The following SOCS5 variants were observed in gnomAD, a reference collection of about 807,000 sequenced individuals.
The protein encoded by SOCS5 is CIS-6.
SOCS5 carries 32 observed loss-of-function variants against 42.8 expected under a neutral mutation model. That is an observed-to-expected ratio of 0.75 (90% CI 0.56 to 1.01). SOCS5 has a LOEUF of 1.01. Among genes scored for constraint, SOCS5 ranks in the 50% least tolerant of loss-of-function variants. SOCS5 has a pLI of 0.00. For missense variants in SOCS5, 627 were observed against 653.0 expected, an observed-to-expected ratio of 0.96 and a Z score of 0.43; for synonymous variants, 283 against 229.6, an observed-to-expected ratio of 1.23 and a Z score of -2.10.
chr2:46,700,461 T>G (rs963089896), intron 1 of SOCS5, among the ~76,000 whole-genome samples: 1 of 152,254 alleles, frequency 6.6e-6, no homozygotes, highest in African/African-American at 2.4e-5. Context: ...ATTGTGCTAT[T>G]ATGTACTACT....
intron 1 of SOCS5, among the ~76,000 whole-genome samples, chr2:46,734,962 G>A (rs1018695229): frequency 3.0e-4 from 46 of 152,228 alleles, no homozygotes; most frequent in African/African-American, 1.1e-3. Context: ...GGCCCTTTCC[G>A]GAGTCCATGC....
Position 46,762,408 on chromosome 2 carries a change from A to G in SOCS5, c.*2267A>G, listed in dbSNP as rs1041871317. 6.0e-6 allele frequency: 1 copy of G among 166,680 alleles called. No homozygotes were observed. The highest frequency in any genetic ancestry group is 1.5e-5 in the Non-Finnish European group (1 of 68,076). The allele number at this position is 166,680 out of a possible 1,614,324, so 10.3% of individuals were successfully genotyped here. A position where few individuals can be genotyped will look rare whatever the true frequency, so the allele number is the denominator to read the frequency against. ...CTCCAAGAAAGCACTTGATGTTTTT[A>G]TATGCTTGTAGCAAATTGATGTTCT... On this transcript the variant is annotated 3_prime_UTR_variant, in exon 2 of 2. Transcript: ENST00000394861.
chr2:46,747,280 G>A (rs1673523870), intron 1 of SOCS5, among the ~76,000 whole-genome samples: 1 of 152,034 alleles, frequency 6.6e-6, no homozygotes, highest in African/African-American at 2.4e-5. Context: ...GAGTGTGATA[G>A]TGCAGTCACA....
intron 1 of SOCS5, among the ~76,000 whole-genome samples, chr2:46,756,173 A>T (rs1572848574): frequency 6.6e-6 from 1 of 152,314 alleles, no homozygotes; most frequent in African/African-American, 2.4e-5. Context: ...TCACTTTTTA[A>T]AAGTTATTTT....
At chr2:46,751,047 C>G (rs923693188) in intron 1 of SOCS5, among the ~76,000 whole-genome samples, 16 of 152,102 alleles carry the variant, frequency 1.1e-4, no homozygotes, top group African/African-American at 3.9e-4. Flanking sequence ...GGTAGAGAAG[C>G]TGAATAGACC....
chr2:46,752,368 A>C (rs1480685456), intron 1 of SOCS5, among the ~76,000 whole-genome samples: 1 of 152,254 alleles, frequency 6.6e-6, no homozygotes, highest in East Asian at 1.9e-4. Flanking sequence ...CCATGAAACC[A>C]GTCCCTGGTG....
intron 1 of SOCS5, among the ~76,000 whole-genome samples, chr2:46,714,158 G>A (rs967430982): frequency 1.3e-5 from 2 of 152,110 alleles, no homozygotes; most frequent in African/African-American, 4.8e-5. Context: ...ATGCCAATTA[G>A]GTTAGTCTGA....
chr2:46,722,359 A>G (rs1672903647), intron 1 of SOCS5, among the ~76,000 whole-genome samples: 1 of 152,124 alleles, frequency 6.6e-6, no homozygotes, highest in African/African-American at 2.4e-5. Context: ...CCACGTCTCC[A>G]GAGTCTGCTT....
In SOCS5 at chr2:46,735,502, A is replaced by G. The variant is rs76982486; in HGVS notation, c.-12-23017A>G. On this transcript the variant is annotated intron_variant, in intron 1 of 1. Transcript: ENST00000394861. ...GGCAGTCTGCCACATTACTCCAACT[A>G]GAGGTAGTTGCTTTGCACTTTGTGT... 4.7e-3 allele frequency among the ~76,000 whole-genome samples: 719 copies of G among 152,252 alleles called. 1 individual carries two copies. The highest frequency in any genetic ancestry group is 7.4e-3 in the Non-Finnish European group (502 of 68,018).
At chr2:46,725,215 C>A (rs951307668) in intron 1 of SOCS5, among the ~76,000 whole-genome samples, 1 of 151,632 alleles carries the variant, frequency 6.6e-6, no homozygotes, top group African/African-American at 2.4e-5. Flanking sequence ...TATGTTATAT[C>A]TTTTTTCATC....
chr2:46,727,251 C>A (rs528110399), intron 1 of SOCS5, among the ~76,000 whole-genome samples: 1 of 151,128 alleles, frequency 6.6e-6, no homozygotes, highest in Non-Finnish European at 1.5e-5. Context: ...CGGGTTCACG[C>A]CATTCTCCTG....
chr2:46,714,898 A>T (rs567644674), intron 1 of SOCS5, among the ~76,000 whole-genome samples: 1 of 150,718 alleles, frequency 6.6e-6, no homozygotes, highest in African/African-American at 2.4e-5. Flanking sequence ...ATCTCTTTCA[A>T]TTTTTTTTTA....
chr2:46,756,612 T>C (rs1673736537), intron 1 of SOCS5, among the ~76,000 whole-genome samples: 2 of 152,262 alleles, frequency 1.3e-5, no homozygotes, highest in Non-Finnish European at 2.9e-5. Flanking sequence ...TGCTGTTTTT[T>C]GTTAAGAGTC....
intron 1 of SOCS5, among the ~76,000 whole-genome samples, chr2:46,713,509 C>T (rs1186142596): frequency 6.6e-6 from 1 of 151,888 alleles, no homozygotes; most frequent in Non-Finnish European, 1.5e-5. Context: ...AGGATCTATT[C>T]CTTCTTTTAT....
intron 1 of SOCS5, among the ~76,000 whole-genome samples, chr2:46,750,451 CTG>C (rs1418526528): frequency 6.6e-6 from 1 of 151,934 alleles, no homozygotes; most frequent in Non-Finnish European, 1.5e-5. Context: ...TAATTTGGTT[CTG>C]TGTCTTCTTT....
rs76219965 is a variant in SOCS5, at chr2:46,721,714, G to C, written c.-13+22265G>C. 1.5e-4 allele frequency among the ~76,000 whole-genome samples: 23 copies of C among 152,244 alleles called. 1 individual carries two copies. In the East Asian group the frequency reaches 4.0e-3, roughly 27 times the overall value. On this transcript the variant is annotated intron_variant, in intron 1 of 1. Coordinates refer to ENST00000394861, the MANE Select transcript of SOCS5 (RefSeq NM_144949.3). ...CAAAATATATGTAGTTACAAATAAT[G>C]AATAGCTGTCTTCTTTGAATTATAA... is the stretch of plus-strand genomic sequence containing the variant.
In SOCS5 at chr2:46,760,139, T is replaced by A; in HGVS notation, c.1609T>A (p.Ter537LysextTer10). The A allele has an allele frequency of 6.2e-7, 1 of 1,610,068 alleles. No homozygotes were observed. The highest frequency in any genetic ancestry group is 8.5e-7 in the Non-Finnish European group (1 of 1,177,694). The change falls in exon 2 of 2, where the codon TAA becomes AAA. Residue 537 changes from the stop codon to lysine (K), a stop_lost. Transcript: ENST00000394861. ...GGAACGAGAACCAGTCAAGGCAAAGTAAACTCTCCGGTCCCCAAAGGTTGT... is the reference window on the plus strand; with the variant it reads ...GGAACGAGAACCAGTCAAGGCAAAGAAAACTCTCCGGTCCCCAAAGGTTGT... ...WLEREPVKAK[*>K] is the part of the protein sequence containing the mutation.
chr2:46,746,926 T>TTC (rs1673514066), intron 1 of SOCS5, among the ~76,000 whole-genome samples: 2 of 115,746 alleles, frequency 1.7e-5, no homozygotes, highest in African/African-American at 8.6e-5. Flanking sequence ...TTATTTCTTT[T>TTC]TTTTTTTTTT....
intron 1 of SOCS5, among the ~76,000 whole-genome samples, chr2:46,755,678 C>CT (rs1209922324): frequency 1.3e-5 from 2 of 152,074 alleles, no homozygotes; most frequent in Non-Finnish European, 1.5e-5. Context: ...AAATTTAACG[C>CT]TTTTTTTAGC....
Sources: allele counts gnomAD v4.1 joint callset (sites outside exome capture counted in the v4.1 genomes callset), GRCh38; gene constraint gnomAD v4.1.1; transcripts MANE v1.5; gene names NCBI Gene and HGNC (gene_info 2026-07-23, HGNC 2026-07-21).